DYNC2I1: variants seen among roughly 807,000 people sequenced by gnomAD.
DYNC2I1 encodes cytoplasmic dynein 2 intermediate chain 1.
In DYNC2I1, 89 loss-of-function variants were observed where a neutral mutation model predicts 133.4. That is an observed-to-expected ratio of 0.67 (90% confidence interval 0.56 to 0.80). DYNC2I1 has a LOEUF of 0.80. Ranked by LOEUF, DYNC2I1 falls within the 30% of genes least tolerant of loss-of-function variation. DYNC2I1 has a pLI of 0.00. For missense variants in DYNC2I1, 1,291 were observed against 1,314.5 expected (o/e 0.98, Z 0.28); for synonymous variants, 504 against 484.3 (o/e 1.04, Z -0.54).
At chr7:158,934,088 GA>G in intron 21 of DYNC2I1, 40 bp from the exon 22 acceptor site, 1 of 1,378,852 alleles carries the variant, frequency 7.3e-7, no homozygotes, top group South Asian at 1.2e-5. Flanking sequence ...CTTAAGGTTG[GA>G]AACAGTCCAT....
intron 5 of DYNC2I1, among the ~76,000 whole-genome samples, 178 bp downstream of exon 5, chr7:158,880,167 C>T (rs1327606706): frequency 6.6e-6 from 1 of 152,196 alleles, no homozygotes; most frequent in Non-Finnish European, 1.5e-5. Flanking sequence ...TACTGATCTC[C>T]TAAGGAATGT....
chr7:158,895,776 C>A (rs1845705151), intron 8 of DYNC2I1, among the ~76,000 whole-genome samples: 1 of 152,152 alleles, frequency 6.6e-6, no homozygotes, highest in African/African-American at 2.4e-5. Context: ...AATATCTGTC[C>A]ATTTATTTAG....
At position 158,930,648 on chromosome 7, in the gene DYNC2I1, G is replaced by A. The variant is rs115014141; in HGVS notation, c.2546+133G>A. On this transcript the variant is annotated intron_variant, in intron 21 of 24. Coordinates refer to ENST00000407559, the MANE Select transcript of DYNC2I1 (RefSeq NM_018051.5). ...CATTTTCTCACATTGTTTTTTTACT[G>A]TTTTGTTAGTCTATTATTTTTATTT... is the stretch of plus-strand genomic sequence containing the variant. The A allele has an allele frequency of 3.0e-3, 2,165 of 722,660 alleles. 40 individuals carry two copies. The African/African-American group carries it at 0.035, about 12-fold the overall frequency. 44.8% of individuals were successfully genotyped at this position (722,660 alleles called of 1,614,324 possible). A position where few individuals can be genotyped will look rare whatever the true frequency, so the allele number is the denominator to read the frequency against.
chr7:158,840,093 G>T, the DYNC2I1 span, among the ~76,000 whole-genome samples: 3 of 152,128 alleles, frequency 2.0e-5, no homozygotes, highest in Non-Finnish European at 4.4e-5. Context: ...GGGGTTACAG[G>T]TGTGAGCCAC....
chr7:158,878,299 ACCATGTGGGGAT>A (rs1843582296), intron 4 of DYNC2I1, among the ~76,000 whole-genome samples: 1 of 58,964 alleles, frequency 1.7e-5, no homozygotes, highest in African/African-American at 6.7e-5. Context: ...AGTGCTGGGC[ACCATGTGGGGAT>A]GCCAGGAGGG....
chr7:158,922,581 T>G (rs1849211502), intron 16 of DYNC2I1, 32 bp downstream of exon 16: 1 of 1,599,904 alleles, frequency 6.3e-7, no homozygotes, highest in Non-Finnish European at 8.5e-7. Flanking sequence ...GCACGTTTGA[T>G]GGGAGGATGG....
At chr7:158,958,192 G>A (rs949314540), downstream of DYNC2I1, among the ~76,000 whole-genome samples, 21 of 151,916 alleles carry the variant, frequency 1.4e-4, no homozygotes, top group African/African-American at 5.1e-4. Flanking sequence ...CCACAGCCTC[G>A]TCCCTACTTG....
chr7:158,911,404 G>A (rs1440129882), intron 11 of DYNC2I1, 146 bp from the exon 12 acceptor site: 1 of 846,312 alleles, frequency 1.2e-6, no homozygotes, highest in East Asian at 2.7e-5. Context: ...TTTAACAGCT[G>A]TTAAATATCT....
At chr7:158,897,342 C>T (rs924237359) in intron 8 of DYNC2I1, among the ~76,000 whole-genome samples, 1 of 152,098 alleles carries the variant, frequency 6.6e-6, no homozygotes, top group African/African-American at 2.4e-5. Flanking sequence ...TAGAATTCAC[C>T]AGTATTAGTG....
chr7:158,912,051 T>A (rs759029624), intron 12 of DYNC2I1, among the ~76,000 whole-genome samples: 11 of 152,224 alleles, frequency 7.2e-5, no homozygotes, highest in Admixed American at 1.3e-4. Flanking sequence ...CTTGGCTCAC[T>A]GCAAACTCCA....
At chr7:158,914,169 G>A (rs1336901483) in intron 13 of DYNC2I1, 64 bp from the exon 14 acceptor site, 7 of 1,354,056 alleles carry the variant, frequency 5.2e-6, no homozygotes. Flanking sequence ...GAACTCTTAA[G>A]ATGTGTAATG....
At chr7:158,920,989 C>T (rs1313807962) in intron 15 of DYNC2I1, among the ~76,000 whole-genome samples, 1 of 152,180 alleles carries the variant, frequency 6.6e-6, no homozygotes, top group Non-Finnish European at 1.5e-5. Context: ...GACAAATGTT[C>T]TGTAGCGGGT....
At chr7:158,918,257 A>G (rs182715871) in intron 14 of DYNC2I1, among the ~76,000 whole-genome samples, 89 of 152,304 alleles carry the variant, frequency 5.8e-4, no homozygotes, top group African/African-American at 2.0e-3. Context: ...GTTCTCAGGA[A>G]CATTTCCAGT....
chr7:158,841,192 TATATATATATATATATATATATATATATA>T, the DYNC2I1 span, among the ~76,000 whole-genome samples: 2 of 95,544 alleles, frequency 2.1e-5, no homozygotes, highest in African/African-American at 1.1e-4. Flanking sequence ...TATATATATA[TATATATATATATATATATATATATATATA>T]TTTTAGACAG....
chr7:158,927,148 C>A, intron 20 of DYNC2I1, 105 bp downstream of exon 20: 1 of 762,930 alleles, frequency 1.3e-6, no homozygotes, highest in Non-Finnish European at 2.1e-6. Context: ...CTGCTGGGAG[C>A]CTCAGCACGT....
At chr7:158,952,560 G>A (rs1204456495) in intron 4 of DYNC2I1, among the ~76,000 whole-genome samples, 1 of 87,936 alleles carries the variant, frequency 1.1e-5, no homozygotes, top group Non-Finnish European at 2.7e-5. Context: ...AAGTAAACTA[G>A]ATACTTAAAA....
At chr7:158,938,797 T>C (rs530799562) in intron 23 of DYNC2I1, among the ~76,000 whole-genome samples, 1 of 152,142 alleles carries the variant, frequency 6.6e-6, no homozygotes, top group African/African-American at 2.4e-5. Context: ...AAGGGAGTTC[T>C]TCAACCTGAA....
intron 20 of DYNC2I1, among the ~76,000 whole-genome samples, chr7:158,928,155 C>T (rs897743518): frequency 1.3e-5 from 2 of 152,172 alleles, no homozygotes; most frequent in African/African-American, 4.8e-5. Flanking sequence ...AATAGCACCT[C>T]TCACAGGTGG....
intron 14 of DYNC2I1, among the ~76,000 whole-genome samples, chr7:158,916,519 T>G (rs370413239): frequency 0.023 from 967 of 42,764 alleles, 3 homozygotes; most frequent in Middle Eastern, 0.12. Flanking sequence ...GTGAAACGTC[T>G]ACACGCTGGT....
Sources: gnomAD v4.1 joint callset for allele counts (sites outside exome capture counted in the v4.1 genomes callset) on GRCh38, gnomAD v4.1.1 for gene constraint, MANE v1.5 for transcripts, NCBI Gene and HGNC (gene_info 2026-07-23, HGNC 2026-07-21) for gene names.